The following TNR variants were observed in gnomAD, a reference collection of about 807,000 sequenced individuals.
TNR encodes the protein tenascin-R.
A neutral mutation model predicts 150.4 loss-of-function variants in TNR; 45 were observed. The observed-to-expected ratio is 0.30, with a 90% confidence interval of 0.24 to 0.38. The LOEUF (loss-of-function observed/expected upper bound fraction) is 0.38. Among genes scored for constraint, TNR ranks in the 10% least tolerant of loss-of-function variants. The pLI is 1.00. For missense variants in TNR, 1,544 were observed against 1,759.1 expected (o/e 0.88, Z 2.19); for synonymous variants, 687 against 678.4 (o/e 1.01, Z -0.20).
intron 2 of TNR, among the ~76,000 whole-genome samples, chr1:175,489,304 A>G (rs1166334919): frequency 6.6e-6 from 1 of 152,114 alleles, no homozygotes; most frequent in African/African-American, 2.4e-5. Flanking sequence ...GTCCCCAGGT[A>G]CTCTGCCATC....
intron 1 of TNR, among the ~76,000 whole-genome samples, chr1:175,679,818 C>T (rs929648379): frequency 3.9e-4 from 59 of 152,192 alleles, no homozygotes; most frequent in Non-Finnish European, 6.8e-4. Context: ...GGCCTAGATT[C>T]TGTTTGGCTC....
intron 1 of TNR, among the ~76,000 whole-genome samples, chr1:175,722,096 T>TCCTC (rs934471110): frequency 4.3e-4 from 65 of 152,168 alleles, no homozygotes; most frequent in Non-Finnish European, 2.5e-4. Flanking sequence ...TGGTGGGCTT[T>TCCTC]CCTCCCTCCA....
intron 2 of TNR, among the ~76,000 whole-genome samples, chr1:175,417,075 G>GAAAGAAAGAAATAAATAAAT (rs754333098): frequency 1.0e-3 from 143 of 138,230 alleles, no homozygotes; most frequent in East Asian, 4.9e-3. Flanking sequence ...AAGAAAGAAA[G>GAAAGAAAGAAATAAATAAAT]AAATCTAAGA....
intron 1 of TNR, among the ~76,000 whole-genome samples, chr1:175,708,008 ATGTGTGTGTTTGTGTGTG>A (rs926530518): frequency 7.7e-6 from 1 of 130,446 alleles, no homozygotes; most frequent in African/African-American, 3.1e-5. Flanking sequence ...ACAAAGAGCC[ATGTGTGTGTTTGTGTGTG>A]TGTGTGTGTG....
intron 2 of TNR, among the ~76,000 whole-genome samples, chr1:175,497,877 T>C (rs540355452): frequency 2.0e-5 from 3 of 152,106 alleles, no homozygotes; most frequent in Non-Finnish European, 4.4e-5. Flanking sequence ...CTGGCCAACA[T>C]GGTGAAACCC....
chr1:175,331,121 T>C lies in TNR; in HGVS notation c.3632-886A>G, dbSNP rs190521036. ...TCTTTCTCTCTCTCTTTCTTTTCTT[T>C]CTTTCTTTCTTTTCTTTCTTTCTTC... is the stretch of plus-strand genomic sequence containing the variant. On this transcript the variant is annotated intron_variant, in intron 20 of 22. Coordinates refer to ENST00000367674, the MANE Select transcript of TNR (RefSeq NM_003285.3). Among the ~76,000 whole-genome samples, 36 of 148,660 alleles carry C rather than the reference T, an allele frequency of 2.4e-4. 3 individuals carry two copies. Among genetic ancestry groups the C allele is most frequent in the African/African-American group, 8.0e-4 (32 of 39,784 alleles).
intron 1 of TNR, among the ~76,000 whole-genome samples, chr1:175,650,646 C>T (rs1325733613): frequency 1.4e-5 from 2 of 140,810 alleles, no homozygotes; most frequent in East Asian, 2.2e-4. Context: ...TATTACCCAT[C>T]AATACAGCCA....
At chr1:175,331,050 T>TTTCTTTCTTTCTTTCTTTCCTTCCTTCC (rs1557867595) in intron 20 of TNR, among the ~76,000 whole-genome samples, 1 of 95,762 alleles carries the variant, frequency 1.0e-5, no homozygotes, top group Non-Finnish European at 2.2e-5. Flanking sequence ...TCTTTCTTTC[T>TTTCTTTCTTTCTTTCTTTCCTTCCTTCC]TTCTTTCTTT....
intron 1 of TNR, among the ~76,000 whole-genome samples, chr1:175,626,895 A>T (rs1005564391): frequency 6.6e-6 from 1 of 152,218 alleles, no homozygotes; most frequent in African/African-American, 2.4e-5. Context: ...AGAGAAGAAA[A>T]ACACAGAGGT....
At chr1:175,389,562 G>A (rs950572169) in intron 7 of TNR, among the ~76,000 whole-genome samples, 3 of 152,212 alleles carry the variant, frequency 2.0e-5, no homozygotes. Flanking sequence ...CTACATGGCT[G>A]TCCATTATTC....
chr1:175,521,662 T>TAGGA (rs879322647), intron 2 of TNR, among the ~76,000 whole-genome samples: 15 of 152,196 alleles, frequency 9.9e-5, no homozygotes, highest in Non-Finnish European at 2.2e-4. Context: ...ACTTTTTTCC[T>TAGGA]CTTACTTTTT....
intron 1 of TNR, among the ~76,000 whole-genome samples, chr1:175,736,477 C>T (rs1483688878): frequency 4.6e-5 from 7 of 151,704 alleles, no homozygotes; most frequent in African/African-American, 1.5e-4. Context: ...GCCGAGATTG[C>T]GCCACTGCAC....
chr1:175,464,459 G>T (rs1305130055), intron 2 of TNR, among the ~76,000 whole-genome samples: 2 of 152,200 alleles, frequency 1.3e-5, no homozygotes, highest in African/African-American at 4.8e-5. Flanking sequence ...GGGGCTAGAA[G>T]AAATAAAGAA....
Position 175,386,294 on chromosome 1 carries a change from G to A in TNR, c.1515C>T (p.Asp505=), listed in dbSNP as rs773404530. 43 of 1,554,562 alleles carry A rather than the reference G, an allele frequency of 2.8e-5. No individual in the cohort carries two copies. Among genetic ancestry groups the A allele is most frequent in the Non-Finnish European group, 3.6e-5 (41 of 1,145,374 alleles). ...CGCGAACCAGGATCTGCGTGGGGCC[G>A]TCAATGACTGAGTGAGAAGGATCAA... The part of the protein sequence containing the change: ...PTSASVSTVI[D]GPTQILVRDV... The change falls in exon 8 of 23, where the codon GAC becomes GAT. Residue 505 remains aspartate, a synonymous_variant. Coordinates refer to ENST00000367674, the MANE Select transcript of TNR (RefSeq NM_003285.3).
At chr1:175,619,209 C>G (rs1037019367) in intron 1 of TNR, among the ~76,000 whole-genome samples, 1 of 152,208 alleles carries the variant, frequency 6.6e-6, no homozygotes, top group Non-Finnish European at 1.5e-5. Context: ...TGGAAAAAGA[C>G]AGTTCCATTA....
At chr1:175,552,659 T>A (rs1420475891) in intron 1 of TNR, among the ~76,000 whole-genome samples, 1 of 152,200 alleles carries the variant, frequency 6.6e-6, no homozygotes, top group African/African-American at 2.4e-5. Flanking sequence ...AAGAAGTCAT[T>A]ATCTCTGGTA....
At chr1:175,574,603 A>C (rs1662028568) in intron 1 of TNR, among the ~76,000 whole-genome samples, 1 of 152,106 alleles carries the variant, frequency 6.6e-6, no homozygotes, top group African/African-American at 2.4e-5. Flanking sequence ...ACACACACAC[A>C]ACCTTTTTAT....
At chr1:175,496,451 A>T (rs1658491012) in intron 2 of TNR, among the ~76,000 whole-genome samples, 1 of 152,090 alleles carries the variant, frequency 6.6e-6, no homozygotes, top group South Asian at 2.1e-4. Context: ...CTTCTTGGTG[A>T]CTCGGGGCTG....
rs1648978413 is a variant in TNR at position 175,320,484 on chromosome 1, G to T, written c.*2873C>A. 1 of 152,162 alleles carries T rather than the reference G, an allele frequency of 6.6e-6. No homozygotes were observed. The highest frequency in any genetic ancestry group is 2.1e-4 in the South Asian group (1 of 4,830). 9.4% of individuals were successfully genotyped at this position (152,162 alleles called of 1,614,324 possible). A position where few individuals can be genotyped will look rare whatever the true frequency, so the allele number is the denominator to read the frequency against. On this transcript the variant is annotated 3_prime_UTR_variant, in exon 23 of 23. Transcript: ENST00000367674. ...TGCCGCTGGTACTATTTATAAAAAT[G>T]TTCCATAGTGTAGAATGGTTTCAAT...
Sources: gnomAD v4.1 joint callset for allele counts (sites outside exome capture counted in the v4.1 genomes callset) on GRCh38, gnomAD v4.1.1 for gene constraint, MANE v1.5 for transcripts, NCBI Gene and HGNC (gene_info 2026-07-23, HGNC 2026-07-21) for gene names.